Variants in MAPKAP1 observed in about 807,000 individuals in gnomAD.
The protein encoded by MAPKAP1 is MAPK associated protein 1.
In MAPKAP1, 20 loss-of-function variants were observed where a neutral mutation model predicts 65.7. That is an observed-to-expected ratio of 0.30 (90% confidence interval 0.21 to 0.44). MAPKAP1 has a LOEUF of 0.44. MAPKAP1 is among the 20% of genes least tolerant of loss of function. The pLI is 1.00. For synonymous variants in MAPKAP1, 222 were observed against 244.3 expected (o/e 0.91, Z 0.85); for missense variants, 423 against 648.0 (o/e 0.65, Z 3.77).
At chr9:125,591,999 G>A (rs552348793) in intron 4 of MAPKAP1, among the ~76,000 whole-genome samples, 45 of 152,276 alleles carry the variant, frequency 3.0e-4, no homozygotes, top group African/African-American at 6.0e-4. Flanking sequence ...ACAGGGAAGC[G>A]GGCAACACAG....
At position 125,557,754 on chromosome 9, in the gene MAPKAP1, G is replaced by A. The variant is rs770397941; in HGVS notation, c.848+1879C>T. Among the ~76,000 whole-genome samples the A allele has an allele frequency of 4.6e-5, 7 of 152,108 alleles. No individual in the cohort carries two copies. In the South Asian group the frequency reaches 8.3e-4, roughly 18 times the overall value. On this transcript the variant is annotated intron_variant, in intron 6 of 11. Transcript: ENST00000265960. ...ATCACATTTTAATTATTTGACAACTGTCTCACTACTAGATAGTAAGCTCCA... is the reference window on the plus strand; with the variant it reads ...ATCACATTTTAATTATTTGACAACTATCTCACTACTAGATAGTAAGCTCCA...
intron 4 of MAPKAP1, among the ~76,000 whole-genome samples, chr9:125,653,438 C>A (rs1024713065): frequency 6.6e-6 from 1 of 152,106 alleles, no homozygotes; most frequent in Non-Finnish European, 1.5e-5. Context: ...ATTTTGCAAA[C>A]CCTGTTCTTT....
intron 6 of MAPKAP1, among the ~76,000 whole-genome samples, chr9:125,557,949 C>T (rs540998625): frequency 4.6e-5 from 7 of 152,312 alleles, no homozygotes; most frequent in Non-Finnish European, 7.3e-5. Context: ...CTCCGCCTCC[C>T]GGGTTCCAGC....
chr9:125,580,568 G>A (rs552323550), intron 5 of MAPKAP1, among the ~76,000 whole-genome samples: 1 of 151,476 alleles, frequency 6.6e-6, no homozygotes, highest in African/African-American at 2.4e-5. Flanking sequence ...ATGGCATTAA[G>A]TGAAATACCT....
At chr9:125,481,057 T>C (rs1248688284) in intron 9 of MAPKAP1, among the ~76,000 whole-genome samples, 2 of 151,866 alleles carry the variant, frequency 1.3e-5, no homozygotes, top group African/African-American at 2.4e-5. Flanking sequence ...TAAACATTAT[T>C]ATCCCCATTT....
At chr9:125,648,087 A>T (rs1833782692) in intron 4 of MAPKAP1, among the ~76,000 whole-genome samples, 1 of 152,216 alleles carries the variant, frequency 6.6e-6, no homozygotes, top group African/African-American at 2.4e-5. Flanking sequence ...ATTTTAAAAA[A>T]TTTCAAATGT....
chr9:125,639,421 T>C (rs1223117180), intron 4 of MAPKAP1, among the ~76,000 whole-genome samples: 1 of 152,246 alleles, frequency 6.6e-6, no homozygotes, highest in Non-Finnish European at 1.5e-5. Context: ...AAGGCTGTTT[T>C]GAGAATTAAT....
intron 5 of MAPKAP1, among the ~76,000 whole-genome samples, chr9:125,574,962 T>A (rs1216474321): frequency 6.6e-6 from 1 of 152,260 alleles, no homozygotes; most frequent in Admixed American, 6.5e-5. Flanking sequence ...AGCCTGTAGC[T>A]GTGAATCTCA....
chr9:125,471,202 C>T (rs74507297), intron 9 of MAPKAP1: 2,954 of 152,438 alleles, frequency 0.019, 151 homozygotes, highest in East Asian at 0.13. Flanking sequence ...GGGAGCAGCC[C>T]TCTTCCTGAG....
intron 1 of MAPKAP1, among the ~76,000 whole-genome samples, chr9:125,676,344 C>T (rs1834642832): frequency 6.6e-6 from 1 of 152,122 alleles, no homozygotes; most frequent in Non-Finnish European, 1.5e-5. Flanking sequence ...TACACATATG[C>T]CATGACACAT....
chr9:125,521,256 T>C (rs897524800), intron 7 of MAPKAP1, among the ~76,000 whole-genome samples: 7 of 151,832 alleles, frequency 4.6e-5, no homozygotes, highest in African/African-American at 1.7e-4. Context: ...TACTTCTCTT[T>C]AGAGAAAGGA....
At chr9:125,652,896 G>C (rs773298975) in intron 4 of MAPKAP1, among the ~76,000 whole-genome samples, 1 of 152,020 alleles carries the variant, frequency 6.6e-6, no homozygotes, top group Non-Finnish European at 1.5e-5. Context: ...TCTTCTTTAC[G>C]ACACTATTCT....
At chr9:125,443,551 C>T (rs1852575229) in intron 11 of MAPKAP1, among the ~76,000 whole-genome samples, 1 of 152,166 alleles carries the variant, frequency 6.6e-6, no homozygotes, top group African/African-American at 2.4e-5. Flanking sequence ...GCATCTGGCG[C>T]TTCTTGGAAA....
At chr9:125,673,814 T>C (rs1311172348) in intron 1 of MAPKAP1, among the ~76,000 whole-genome samples, 1 of 152,032 alleles carries the variant, frequency 6.6e-6, no homozygotes, top group Non-Finnish European at 1.5e-5. Flanking sequence ...TGGTGGGACA[T>C]GCCTGTAGTC....
chr9:125,555,007 C>T (rs535567579), intron 6 of MAPKAP1, among the ~76,000 whole-genome samples: 1 of 152,096 alleles, frequency 6.6e-6, no homozygotes, highest in South Asian at 2.1e-4. Context: ...CCCAATTAAA[C>T]CCAACATCAG....
intron 4 of MAPKAP1, among the ~76,000 whole-genome samples, chr9:125,591,164 C>T (rs1360713121): frequency 6.6e-6 from 1 of 152,232 alleles, no homozygotes; most frequent in Non-Finnish European, 1.5e-5. Flanking sequence ...AGAGCCAAGA[C>T]TCAAACCTCA....
At chr9:125,499,100 C>T (rs1202624398) in intron 8 of MAPKAP1, among the ~76,000 whole-genome samples, 1 of 152,124 alleles carries the variant, frequency 6.6e-6, no homozygotes, top group East Asian at 1.9e-4. Flanking sequence ...AAGTAAATGG[C>T]CCAAGGTCAC....
At chr9:125,590,068 T>C (rs1168437545) in intron 4 of MAPKAP1, among the ~76,000 whole-genome samples, 1 of 152,212 alleles carries the variant, frequency 6.6e-6, no homozygotes, top group Non-Finnish European at 1.5e-5. Flanking sequence ...GATCAGTTGC[T>C]TGTCATTGCT....
intron 7 of MAPKAP1, among the ~76,000 whole-genome samples, chr9:125,525,431 TG>T (rs1256542794): frequency 2.6e-5 from 4 of 152,120 alleles, no homozygotes; most frequent in Non-Finnish European, 5.9e-5. Flanking sequence ...CACAGCACTT[TG>T]GGAGGCTGAG....
Sources: gnomAD v4.1 joint callset for allele counts (sites outside exome capture counted in the v4.1 genomes callset) on GRCh38, gnomAD v4.1.1 for gene constraint, MANE v1.5 for transcripts, NCBI Gene and HGNC (gene_info 2026-07-23, HGNC 2026-07-21) for gene names.